The following RIPK2 variants were observed in gnomAD, a reference collection of about 807,000 sequenced individuals.
RIPK2 encodes the protein receptor-interacting serine/threonine-protein kinase 2.
RIPK2 carries 38 observed loss-of-function variants against 60.9 expected under a neutral mutation model. The observed-to-expected ratio is 0.62, with a 90% confidence interval of 0.48 to 0.82. The LOEUF (loss-of-function observed/expected upper bound fraction) is 0.82, where lower values mean the gene tolerates loss of function less well. RIPK2 is among the 40% of genes least tolerant of loss of function. The pLI is 0.00. For synonymous variants in RIPK2, 225 were observed against 223.4 expected, an observed-to-expected ratio of 1.01 and a Z score of -0.06; for missense variants, 518 against 647.0, an observed-to-expected ratio of 0.80 and a Z score of 2.16.
At chr8:89,783,699 T>G (rs1051881242) in intron 7 of RIPK2, among the ~76,000 whole-genome samples, 26 of 152,266 alleles carry the variant, frequency 1.7e-4, no homozygotes, top group African/African-American at 6.3e-4. Flanking sequence ...CTCCCAAAAA[T>G]TCCCAAAAAT....
intron 6 of RIPK2, among the ~76,000 whole-genome samples, chr8:89,779,618 C>A (rs1257151537): frequency 2.0e-5 from 3 of 151,988 alleles, no homozygotes. Flanking sequence ...CCATGCCTGG[C>A]CCAATTTTCA....
At chr8:89,778,142 T>A (rs928171808) in intron 6 of RIPK2, among the ~76,000 whole-genome samples, 1 of 151,954 alleles carries the variant, frequency 6.6e-6, no homozygotes, top group African/African-American at 2.4e-5. Context: ...AAAATATAGG[T>A]TAACTGAATT....
At chr8:89,761,710 G>A (rs1809147411) in intron 1 of RIPK2, among the ~76,000 whole-genome samples, 1 of 90,590 alleles carries the variant, frequency 1.1e-5, no homozygotes, top group African/African-American at 5.2e-5. Flanking sequence ...GATCTGGTCT[G>A]TTAAAAAAAA....
intron 6 of RIPK2, among the ~76,000 whole-genome samples, chr8:89,776,168 T>G (rs558816793): frequency 1.3e-5 from 2 of 152,252 alleles, no homozygotes; most frequent in East Asian, 3.9e-4. Context: ...CATGCTTAGT[T>G]TTTCTCCAAG....
intron 1 of RIPK2, among the ~76,000 whole-genome samples, chr8:89,761,292 G>A (rs1239285302): frequency 6.6e-6 from 1 of 151,956 alleles, no homozygotes; most frequent in East Asian, 1.9e-4. Flanking sequence ...GGCTTCTCCT[G>A]GAAACATTTC....
At chr8:89,785,481 A>T (rs1333133626) in intron 8 of RIPK2, among the ~76,000 whole-genome samples, 1 of 152,172 alleles carries the variant, frequency 6.6e-6, no homozygotes, top group Admixed American at 6.5e-5. Flanking sequence ...AAATTATTTT[A>T]AAATATTGAA....
In RIPK2 at chr8:89,789,499, A is replaced by G. The variant is rs767285426; in HGVS notation, c.1285+17A>G. On this transcript the variant is annotated intron_variant, in intron 10 of 10. Transcript: ENST00000220751. ...GAAACTCAGGTAAATATTTACTGTG[A>G]AACACCTTGTAAGTGATGCCATTGA... 1.2e-6 allele frequency: 2 copies of G among 1,609,114 alleles called. No homozygotes were observed. The highest frequency in any genetic ancestry group is 1.7e-6 in the Non-Finnish European group (2 of 1,177,620).
chr8:89,788,201 G>T (rs1260640389), intron 9 of RIPK2, among the ~76,000 whole-genome samples: 1 of 151,448 alleles, frequency 6.6e-6, no homozygotes, highest in Non-Finnish European at 1.5e-5. Flanking sequence ...AAAATTAGCG[G>T]GTATGGTGGT....
chr8:89,790,435 G>T lies in RIPK2; in HGVS notation c.*19G>T. ...CATGTAAGTGACTGTTTTTCAAGAA[G>T]AAATGTGTTTCATAAAAGGATATTT... On this transcript the variant is annotated 3_prime_UTR_variant, in exon 11 of 11. Coordinates refer to ENST00000220751, the MANE Select transcript of RIPK2 (RefSeq NM_003821.6). 6.7e-7 allele frequency: 1 copy of T among 1,501,796 alleles called. No homozygotes were observed. The highest frequency in any genetic ancestry group is 1.3e-5 in the South Asian group (1 of 79,040). The allele number at this position is 1,501,796 out of a possible 1,614,324, so 93.0% of individuals were successfully genotyped here.
chr8:89,790,273 A>G lies in RIPK2; in HGVS notation c.1480A>G (p.Thr494Ala), dbSNP rs1809655114. 1.2e-6 allele frequency: 2 copies of G among 1,614,116 alleles called. No homozygotes were observed. The highest frequency in any genetic ancestry group is 1.7e-6 in the Non-Finnish European group (2 of 1,179,978). ...TSKVRQLLDT[T>A]DIQGEEFAKV... ...AAAAGTCAGACAATTACTAGACACT[A>G]CTGACATCCAAGGAGAAGAATTTGC... Residue 494 changes from threonine to alanine, a missense_variant, in exon 11 of 11, where the codon ACT becomes GCT. Thr to Ala is a moderately conservative substitution (Grantham distance 58, BLOSUM62 0). Coordinates refer to ENST00000220751, the MANE Select transcript of RIPK2 (RefSeq NM_003821.6).
chr8:89,767,422 G>A (rs1427069324), intron 3 of RIPK2, among the ~76,000 whole-genome samples: 1 of 151,646 alleles, frequency 6.6e-6, no homozygotes. Context: ...AACAAGAAAT[G>A]TGAGAGAAAA....
chr8:89,785,379 G>T (rs2130585684), intron 8 of RIPK2, among the ~76,000 whole-genome samples: 1 of 152,118 alleles, frequency 6.6e-6, no homozygotes, highest in African/African-American at 2.4e-5. Context: ...GGGGGTTGAG[G>T]CAGGAGAATT....
At chr8:89,777,885 G>T (rs1228813356) in intron 6 of RIPK2, among the ~76,000 whole-genome samples, 2 of 151,426 alleles carry the variant, frequency 1.3e-5, no homozygotes, top group Admixed American at 6.6e-5. Flanking sequence ...GAAAGGGAAA[G>T]GAAGAAAAAA....
intron 6 of RIPK2, 71 bp downstream of exon 6, chr8:89,772,899 C>T: frequency 8.9e-7 from 1 of 1,117,382 alleles, no homozygotes; most frequent in Non-Finnish European, 1.2e-6. Context: ...TAAAATATTC[C>T]TTGAAAAATT....
chr8:89,761,415 G>A (rs918155519), intron 1 of RIPK2, among the ~76,000 whole-genome samples: 15 of 151,732 alleles, frequency 9.9e-5, no homozygotes, highest in Non-Finnish European at 1.0e-4. Flanking sequence ...ACTACAACGC[G>A]GGCATTCTAT....
At chr8:89,764,689 A>G (rs1285206928) in intron 2 of RIPK2, among the ~76,000 whole-genome samples, 5 of 152,146 alleles carry the variant, frequency 3.3e-5, no homozygotes, top group Admixed American at 1.3e-4. Context: ...TGTCTGTTCT[A>G]TACAGTTTTA....
chr8:89,762,992 A>G lies in RIPK2; in HGVS notation c.327+10A>G, dbSNP rs1048269291. ...TGAACTCCTACATAGGGTAAGTATT[A>G]CACAGTTTTAGTGGCCATAATTGCC... On this transcript the variant is annotated intron_variant, in intron 2 of 10. Coordinates refer to ENST00000220751, the MANE Select transcript of RIPK2 (RefSeq NM_003821.6). The G allele has an allele frequency of 2.1e-6, 3 of 1,400,290 alleles. No individual in the cohort carries two copies. The highest frequency in any genetic ancestry group is 1.9e-4 in the Middle Eastern group (1 of 5,300). 86.7% of individuals were successfully genotyped at this position (1,400,290 alleles called of 1,614,324 possible).
intron 7 of RIPK2, 86 bp downstream of exon 7, chr8:89,780,246 A>AAG: frequency 1.5e-6 from 1 of 688,368 alleles, no homozygotes; most frequent in Non-Finnish European, 2.4e-6. Context: ...TGTAGTTTTT[A>AAG]ATATATATAC....
chr8:89,764,137 C>A (rs927854231), intron 2 of RIPK2, among the ~76,000 whole-genome samples: 1 of 152,126 alleles, frequency 6.6e-6, no homozygotes, highest in Non-Finnish European at 1.5e-5. Flanking sequence ...GGCCTGGTAA[C>A]TGCTTTAAAC....
Sources: gnomAD v4.1 joint callset for allele counts (sites outside exome capture counted in the v4.1 genomes callset) on GRCh38, gnomAD v4.1.1 for gene constraint, MANE v1.5 for transcripts, NCBI Gene and HGNC (gene_info 2026-07-23, HGNC 2026-07-21) for gene names.